INAVA: variants seen among roughly 807,000 people sequenced by gnomAD.
The protein encoded by INAVA is innate immunity activator.
A neutral mutation model predicts 55.3 loss-of-function variants in INAVA; 32 were observed. The ratio of observed to expected loss-of-function variants is 0.58; its 90% confidence interval spans 0.44 to 0.78. INAVA has a LOEUF of 0.78. Ranked by LOEUF, INAVA falls within the 30% of genes least tolerant of loss-of-function variation. The pLI, the probability that INAVA is intolerant of heterozygous loss-of-function variation, is 0.00. For synonymous variants in INAVA, 294 were observed against 329.4 expected, an observed-to-expected ratio of 0.89 and a Z score of 1.16; for missense variants, 756 against 786.4, an observed-to-expected ratio of 0.96 and a Z score of 0.46.
At chr1:200,893,925 G>A (rs1668284676), upstream of INAVA, among the ~76,000 whole-genome samples, 1 of 151,650 alleles carries the variant, frequency 6.6e-6, no homozygotes, top group Non-Finnish European at 1.5e-5. Flanking sequence ...TGGAATCTGG[G>A]TCGGGGGAAT....
Position 200,900,734 on chromosome 1 carries a change from T to C in INAVA, c.298-203T>C, listed in dbSNP as rs545648045. Reference sequence around the variant, plus strand: ...GGTGGGTGGGTGCCCATGCCAGCTTTTCAGGCTGACAAGTTTGCTTTTCGG... The same window carrying C: ...GGTGGGTGGGTGCCCATGCCAGCTTCTCAGGCTGACAAGTTTGCTTTTCGG... On this transcript the variant is annotated intron_variant, in intron 4 of 9. Coordinates refer to ENST00000413687, the MANE Select transcript of INAVA (RefSeq NM_001142569.3). 7.9e-5 allele frequency among the ~76,000 whole-genome samples: 12 copies of C among 152,300 alleles called. No homozygotes were observed. The South Asian group carries it at 2.5e-3, about 32-fold the overall frequency.
upstream of INAVA, among the ~76,000 whole-genome samples, chr1:200,893,592 A>G (rs1668277582): frequency 1.3e-5 from 2 of 152,192 alleles, no homozygotes; most frequent in African/African-American, 2.4e-5. Context: ...CAAGCTCCCA[A>G]TGGGGCGGGG....
upstream of INAVA, among the ~76,000 whole-genome samples, chr1:200,892,679 C>T (rs1442645663): frequency 6.6e-6 from 1 of 152,166 alleles, no homozygotes; most frequent in East Asian, 1.9e-4. Flanking sequence ...GAGTGGGGAG[C>T]TGTTTCAGAT....
chr1:200,898,260 T>C (rs1463537981), intron 1 of INAVA, 47 bp from the exon 2 acceptor site: 2 of 1,585,136 alleles, frequency 1.3e-6, no homozygotes, highest in Non-Finnish European at 1.7e-6. Context: ...GTAACCAAGA[T>C]GGTTCATATC....
rs1456427812 is a variant in INAVA, at chr1:200,915,448, C to T, written c.*1819C>T. On this transcript the variant is annotated 3_prime_UTR_variant, in exon 10 of 10. Coordinates refer to ENST00000413687, the MANE Select transcript of INAVA (RefSeq NM_001142569.3). ...TACTCTGCCCCCCATGCGTGAATACCCTGCTTGGATGCTGTGCTTTTCCGG... is the reference window on the plus strand; with the variant it reads ...TACTCTGCCCCCCATGCGTGAATACTCTGCTTGGATGCTGTGCTTTTCCGG... The T allele has an allele frequency of 6.8e-6, 1 of 146,488 alleles. No homozygotes were observed. The highest frequency in any genetic ancestry group is 2.3e-4 in the South Asian group (1 of 4,420). 9.1% of individuals were successfully genotyped at this position (146,488 alleles called of 1,614,324 possible).
At chr1:200,891,668 G>C, upstream of INAVA, 3 of 1,490,610 alleles carry the variant, frequency 2.0e-6, no homozygotes, top group Non-Finnish European at 2.7e-6. Flanking sequence ...AGGGCGCAGG[G>C]GCAGGCGGGC....
In INAVA at chr1:200,900,995, C is replaced by A. The variant is rs1441102891; in HGVS notation, c.356C>A (p.Ala119Asp). The change falls in exon 5 of 10, where the codon GCC becomes GAC. Residue 119 changes from alanine to aspartate, a missense_variant. Around this residue, in one of 2 missense-constraint regions of INAVA, gnomAD observed 639 missense variants for 624.3 expected, o/e 1.02. Transcript: ENST00000413687. ...CTGCAGCTGCAGATCACAGAGGCAG[C>A]CCGTCGGCTGTGCCTGGAGGAGAAC... ...LALQLQITEA[A>D]RRLCLEENLS... 6.4e-7 allele frequency: 1 copy of A among 1,553,578 alleles called. No homozygotes were observed. The highest frequency in any genetic ancestry group is 1.9e-5 in the Admixed American group (1 of 51,506).
chr1:200,898,437 G>A lies in INAVA; in HGVS notation c.37G>A (p.Gly13Ser). Reference protein sequence around the residue: ...SKDEVSDTDSGIILQSGPDSP... With the variant: ...SKDEVSDTDSSIILQSGPDSP... ...GGATGAGGTCAGCGACACCGACAGT[G>A]GCATCATCCTGCAGTCTGGTGAGTG... is the stretch of plus-strand genomic sequence containing the variant. Residue 13 changes from glycine to serine, a missense_variant, in exon 2 of 10, where the codon GGC becomes AGC. Coordinates refer to ENST00000413687, the MANE Select transcript of INAVA (RefSeq NM_001142569.3). 2 of 1,614,004 alleles carry A rather than the reference G, an allele frequency of 1.2e-6. No homozygotes were observed. The highest frequency in any genetic ancestry group is 1.7e-6 in the Non-Finnish European group (2 of 1,179,976).
intron 1 of INAVA, among the ~76,000 whole-genome samples, chr1:200,895,765 T>G (rs1014940836): frequency 1.3e-5 from 2 of 152,110 alleles, no homozygotes; most frequent in Non-Finnish European, 2.9e-5. Context: ...AGGTCGAGAT[T>G]CAGACCGGGG....
chr1:200,904,647 C>A (rs79307030), intron 5 of INAVA, among the ~76,000 whole-genome samples: 1 of 151,842 alleles, frequency 6.6e-6, no homozygotes, highest in Non-Finnish European at 1.5e-5. Context: ...GATGCTGCTG[C>A]GGGGCAGGGG....
rs1250107150 is a variant in INAVA at position 200,911,600 on chromosome 1, A to G, written c.1107A>G (p.Ser369=). 3 of 1,613,842 alleles carry G rather than the reference A, an allele frequency of 1.9e-6. No homozygotes were observed. Among genetic ancestry groups the G allele is most frequent in the Non-Finnish European group, 2.5e-6 (3 of 1,179,942 alleles). The stretch of plus-strand genomic sequence containing the variant: ...CCCACGCCGCCTGCCACTCCTGCTC[A>G]GAAGACAGTGGCTCTGACGTCTCCA... ...PLPHAACHSC[S]EDSGSDVSSI... The change falls in exon 9 of 10, where the codon TCA becomes TCG. Residue 369 remains serine, a synonymous_variant. Coordinates refer to ENST00000413687, the MANE Select transcript of INAVA (RefSeq NM_001142569.3).
In INAVA at chr1:200,900,167, C is replaced by A. The variant is rs367914105; in HGVS notation, c.244C>A (p.Arg82Ser). The A allele has an allele frequency of 6.2e-7, 1 of 1,614,136 alleles. No homozygotes were observed. The highest frequency in any genetic ancestry group is 1.1e-5 in the South Asian group (1 of 91,078). ...LKPGEKAPKV[R>S]RRIGAAYKLD... ...ACCAGGGGAAAAGGCCCCCAAGGTT[C>A]GCCGCAGGATCGGAGCGGCTTACAA... The change falls in exon 4 of 10, where the codon CGC (arginine) becomes AGC (serine). Residue 82 changes from arginine (R) to serine (S), a missense_variant. Transcript: ENST00000413687.
intron 5 of INAVA, among the ~76,000 whole-genome samples, chr1:200,903,803 C>CA (rs35993705): frequency 0.58 from 52,133 of 89,530 alleles, 13,628 homozygotes; most frequent in South Asian, 0.67. Context: ...AACTCTGTCT[C>CA]AAAAAAAAAA....
intron 1 of INAVA, among the ~76,000 whole-genome samples, chr1:200,896,371 G>A (rs1460951706): frequency 6.6e-6 from 1 of 151,134 alleles, no homozygotes; most frequent in South Asian, 2.1e-4. Flanking sequence ...GGGAAGGGGT[G>A]GGGGTGAGCT....
In INAVA at chr1:200,908,847, G is replaced by T. The variant is rs770074891; in HGVS notation, c.692G>T (p.Arg231Leu). The T allele has an allele frequency of 6.2e-7, 1 of 1,613,960 alleles. No homozygotes were observed. The highest frequency in any genetic ancestry group is 1.1e-5 in the South Asian group (1 of 91,054). Residue 231 changes from arginine (R) to leucine (L), a missense_variant, in exon 7 of 10, where the codon CGG becomes CTG. Transcript: ENST00000413687. ...PTGPEAGSPE[R>L]APVQNSPWKE... Reference sequence around the variant, plus strand: ...GGACCTGAGGCTGGGAGCCCAGAACGGGCTCCAGTCCAGAACAGCCCCTGG... The same window carrying T: ...GGACCTGAGGCTGGGAGCCCAGAACTGGCTCCAGTCCAGAACAGCCCCTGG...
chr1:200,891,717 T>A, upstream of INAVA: 1 of 1,442,538 alleles, frequency 6.9e-7, no homozygotes, highest in Non-Finnish European at 9.1e-7. Flanking sequence ...CGGGAAAACT[T>A]CGGGGCACCC....
intron 5 of INAVA, among the ~76,000 whole-genome samples, chr1:200,903,744 C>T (rs1430598102): frequency 1.6e-5 from 2 of 126,654 alleles, no homozygotes; most frequent in African/African-American, 3.0e-5. Flanking sequence ...GCGGAGGTTG[C>T]GGTGAGCCGA....
At position 200,899,728 on chromosome 1, in the gene INAVA, G is replaced by C. The variant is rs1571861878; in HGVS notation, c.180+131G>C. The C allele has an allele frequency of 2.2e-5, 30 of 1,355,148 alleles. No homozygotes were observed. In the South Asian group the frequency reaches 3.3e-4, roughly 15 times the overall value. 83.9% of individuals were successfully genotyped at this position (1,355,148 alleles called of 1,614,324 possible). On this transcript the variant is annotated intron_variant, in intron 3 of 9. Coordinates refer to ENST00000413687, the MANE Select transcript of INAVA (RefSeq NM_001142569.3). The stretch of plus-strand genomic sequence containing the variant: ...ATTCTGGACATCAGGCTGGGGGCTG[G>C]GGCCCAGAGTCCCCATGATGCAGTG...
intron 5 of INAVA, among the ~76,000 whole-genome samples, chr1:200,907,299 G>A (rs1455196506): frequency 6.6e-6 from 1 of 152,096 alleles, no homozygotes; most frequent in African/African-American, 2.4e-5. Context: ...TCAGAGTCAG[G>A]ATTAAAATCA....
Sources: allele counts gnomAD v4.1 joint callset (sites outside exome capture counted in the v4.1 genomes callset), GRCh38; gene constraint gnomAD v4.1.1; regional missense constraint gnomAD v4.1.1; transcripts MANE v1.5; gene names NCBI Gene and HGNC (gene_info 2026-07-23, HGNC 2026-07-21).